Variants in SIPA1L3 observed in about 807,000 individuals in gnomAD.
SIPA1L3 encodes signal-induced proliferation-associated 1-like protein 3.
A neutral mutation model predicts 150.1 loss-of-function variants in SIPA1L3; 59 were observed. That is an observed-to-expected ratio of 0.39 (90% CI 0.32 to 0.49). SIPA1L3 has a LOEUF of 0.49. SIPA1L3 is among the 20% of genes least tolerant of loss of function. The pLI is 0.86. For synonymous variants in SIPA1L3, 1,070 were observed against 1,077.6 expected (o/e 0.99, Z 0.14); for missense variants, 2,211 against 2,489.5 (o/e 0.89, Z 2.38).
At chr19:38,103,596 C>T (rs1250302790) in intron 6 of SIPA1L3, among the ~76,000 whole-genome samples, 3 of 149,762 alleles carry the variant, frequency 2.0e-5, no homozygotes, top group Non-Finnish European at 3.0e-5. Context: ...CCACTGTACT[C>T]GAGCCTGGGC....
intron 1 of SIPA1L3, among the ~76,000 whole-genome samples, chr19:38,005,449 T>C (rs750731005): frequency 6.6e-6 from 1 of 151,968 alleles, no homozygotes; most frequent in African/African-American, 2.4e-5. Context: ...CCTGGGCTGC[T>C]TTCTTGGTTC....
intron 20 of SIPA1L3, among the ~76,000 whole-genome samples, chr19:38,202,247 G>A (rs1423237601): frequency 6.6e-6 from 1 of 152,170 alleles, no homozygotes. Flanking sequence ...CAGCAGAGAC[G>A]ACACTTGAAT....
At chr19:38,128,942 A>G (rs1971243639) in intron 9 of SIPA1L3, among the ~76,000 whole-genome samples, 1 of 152,182 alleles carries the variant, frequency 6.6e-6, no homozygotes, top group Admixed American at 6.5e-5. Context: ...TGAGAAAAGT[A>G]TGAAAGCGGG....
chr19:38,155,995 C>T (rs933631092), intron 13 of SIPA1L3, among the ~76,000 whole-genome samples: 4 of 152,060 alleles, frequency 2.6e-5, no homozygotes, highest in Non-Finnish European at 5.9e-5. Context: ...GCAGGAGAAT[C>T]GCTTGAACAC....
intron 2 of SIPA1L3, among the ~76,000 whole-genome samples, chr19:38,034,961 C>T (rs1419976261): frequency 6.6e-6 from 1 of 152,216 alleles, no homozygotes; most frequent in Non-Finnish European, 1.5e-5. Flanking sequence ...AGCCTCATGG[C>T]TGGGTGGCTC....
At chr19:38,114,648 TA>T (rs1970841556) in intron 8 of SIPA1L3, among the ~76,000 whole-genome samples, 1 of 152,196 alleles carries the variant, frequency 6.6e-6, no homozygotes, top group African/African-American at 2.4e-5. Context: ...CTTTTTCTGT[TA>T]AAACTATGCC....
intron 17 of SIPA1L3, among the ~76,000 whole-genome samples, chr19:38,193,019 TG>T (rs994714792): frequency 2.6e-5 from 4 of 151,850 alleles, no homozygotes; most frequent in African/African-American, 9.7e-5. Flanking sequence ...TGGGAGTCCC[TG>T]GGGGAAAACT....
chr19:37,950,185 C>T (rs2046750766), intron 1 of SIPA1L3, among the ~76,000 whole-genome samples: 1 of 151,704 alleles, frequency 6.6e-6, no homozygotes, highest in Admixed American at 6.6e-5. Context: ...CTTGGGGCTG[C>T]AGTTTTCTCA....
At chr19:38,117,965 C>T (rs531045734) in intron 8 of SIPA1L3, among the ~76,000 whole-genome samples, 15 of 152,180 alleles carry the variant, frequency 9.9e-5, no homozygotes, top group African/African-American at 2.4e-4. Context: ...TTTCTCTTTA[C>T]GCTCTCCTGA....
intron 12 of SIPA1L3, 91 bp from the exon 13 acceptor site, chr19:38,152,749 C>A: frequency 1.4e-6 from 2 of 1,438,032 alleles, no homozygotes; most frequent in Non-Finnish European, 1.9e-6. Context: ...TGTCTAAAAC[C>A]CACTGGCGAG....
At chr19:38,197,411 C>A (rs912957307) in intron 18 of SIPA1L3, among the ~76,000 whole-genome samples, 15 of 152,124 alleles carry the variant, frequency 9.9e-5, no homozygotes, top group African/African-American at 3.6e-4. Context: ...GGCGCCGTTG[C>A]TTCTCACTTC....
At chr19:37,940,508 GCA>G (rs1568471410) in intron 1 of SIPA1L3, among the ~76,000 whole-genome samples, 1 of 151,970 alleles carries the variant, frequency 6.6e-6, no homozygotes, top group African/African-American at 2.4e-5. Flanking sequence ...TCTGGTATCC[GCA>G]CAGTGTTAAC....
At chr19:38,161,864 G>A (rs115011720) in intron 13 of SIPA1L3, among the ~76,000 whole-genome samples, 1 of 138,614 alleles carries the variant, frequency 7.2e-6, no homozygotes, top group African/African-American at 2.9e-5. Flanking sequence ...CCTGGATGCT[G>A]TAGCAAGACC....
intron 13 of SIPA1L3, 64 bp from the exon 14 acceptor site, chr19:38,162,189 C>T (rs773456877): frequency 2.7e-5 from 36 of 1,318,022 alleles, no homozygotes; most frequent in Non-Finnish European, 3.5e-5. Context: ...GCAAAGGGTC[C>T]AGATTCTTCA....
In SIPA1L3 at chr19:38,081,802, G is replaced by A. The variant is rs768141191; in HGVS notation, c.237G>A (p.Val79=). Residue 79 remains valine, a synonymous_variant, in exon 3 of 22, where the codon GTG becomes GTA. Coordinates refer to ENST00000222345, the MANE Select transcript of SIPA1L3 (RefSeq NM_015073.3). ...PTTPAMPKMG[V]RARVADWPPK... is the part of the protein sequence containing the mutation. ...CTCCCGCAATGCCCAAGATGGGCGT[G>A]CGCGCAAGGGTGGCCGACTGGCCGC... is the stretch of plus-strand genomic sequence containing the variant. The A allele has an allele frequency of 4.0e-5, 64 of 1,612,964 alleles. No individual in the cohort carries two copies. Among genetic ancestry groups the A allele is most frequent in the Non-Finnish European group, 5.3e-5 (63 of 1,179,746 alleles).
At chr19:38,163,134 C>T (rs557424175) in intron 14 of SIPA1L3, among the ~76,000 whole-genome samples, 33 of 152,286 alleles carry the variant, frequency 2.2e-4, no homozygotes, top group African/African-American at 7.5e-4. Flanking sequence ...GCCCTGTCCT[C>T]AGGAAGCTGA....
intron 10 of SIPA1L3, among the ~76,000 whole-genome samples, chr19:38,134,135 C>T (rs1971376979): frequency 6.6e-6 from 1 of 151,828 alleles, no homozygotes; most frequent in Non-Finnish European, 1.5e-5. Flanking sequence ...AGGCATGCAC[C>T]ACCACACCCA....
chr19:38,140,038 C>T (rs1971535703), intron 10 of SIPA1L3, among the ~76,000 whole-genome samples: 1 of 152,234 alleles, frequency 6.6e-6, no homozygotes, highest in South Asian at 2.1e-4. Flanking sequence ...TTTGGGGGAA[C>T]ACACATCCAG....
chr19:38,206,043 G>C, intron 21 of SIPA1L3, 54 bp from the exon 22 acceptor site: 3 of 1,490,532 alleles, frequency 2.0e-6, no homozygotes, highest in South Asian at 2.6e-5. Flanking sequence ...GCCATCGGCT[G>C]TTCCAGGAGC....
Sources: gnomAD v4.1 joint callset for allele counts (sites outside exome capture counted in the v4.1 genomes callset) on GRCh38, gnomAD v4.1.1 for gene constraint, MANE v1.5 for transcripts, NCBI Gene and HGNC (gene_info 2026-07-23, HGNC 2026-07-21) for gene names.